Variants in YWHAG observed in about 807,000 individuals in gnomAD.
YWHAG encodes tyrosine 3-monooxygenase/tryptophan 5-monooxygenase activation protein gamma, also known as 14-3-3 protein gamma.
A neutral mutation model predicts 23.3 loss-of-function variants in YWHAG; 1 was observed. The ratio of observed to expected loss-of-function variants is 0.04; its 90% confidence interval spans 0.02 to 0.20. The LOEUF (loss-of-function observed/expected upper bound fraction) is 0.20, where lower values mean the gene tolerates loss of function less well. YWHAG is among the 10% of genes least tolerant of loss of function. The pLI is 1.00. For missense variants in YWHAG, 151 were observed against 338.6 expected (o/e 0.45, Z 4.35); for synonymous variants, 160 against 144.0 (o/e 1.11, Z -0.80).
chr7:76,334,189 T>C (rs1007948372), intron 1 of YWHAG, among the ~76,000 whole-genome samples: 1 of 152,246 alleles, frequency 6.6e-6, no homozygotes, highest in Non-Finnish European at 1.5e-5. Flanking sequence ...AAATCCTTTA[T>C]CCTTTAGATC....
intron 1 of YWHAG, among the ~76,000 whole-genome samples, chr7:76,344,621 C>T (rs1407822679): frequency 6.6e-6 from 1 of 152,198 alleles, no homozygotes; most frequent in Admixed American, 6.5e-5. Flanking sequence ...TTTGCTTCTA[C>T]AATTTCTCCT....
chr7:76,329,507 C>G lies in YWHAG; in HGVS notation c.*70G>C, dbSNP rs1803509349. On this transcript the variant is annotated 3_prime_UTR_variant, in exon 2 of 2. Transcript: ENST00000307630. The surrounding 1 kb of genome is among the most constrained non-coding windows in gnomAD (Gnocchi z 6.1). ...CTCCCTTTCCCTCCCCCACCCGACC[C>G]CCAACTCATGGGAAAAAAATAAAGA... is the stretch of plus-strand genomic sequence containing the variant. The G allele has an allele frequency of 7.1e-7, 1 of 1,411,574 alleles. No homozygotes were observed. The highest frequency in any genetic ancestry group is 2.6e-5 in the East Asian group (1 of 37,878). The allele number at this position is 1,411,574 out of a possible 1,614,324, so 87.4% of individuals were successfully genotyped here. A position where few individuals can be genotyped will look rare whatever the true frequency, so the allele number is the denominator to read the frequency against.
In YWHAG at chr7:76,358,778, C is replaced by T. The variant is rs566717170; in HGVS notation, c.31G>A (p.Ala11Thr). Residue 11 changes from alanine to threonine, a missense_variant, in exon 1 of 2, where the codon GCC becomes ACC. Coordinates refer to ENST00000307630, the MANE Select transcript of YWHAG (RefSeq NM_012479.4). ...CGCTCCGCCTGCTCGGCCAGCCGGG[C>T]TTTCTGCACCAGTTGCTCGCGGTCC... is the stretch of plus-strand genomic sequence containing the variant. MVDREQLVQK[A>T]RLAEQAERYD... 1.3e-6 allele frequency: 2 copies of T among 1,596,744 alleles called. No homozygotes were observed. The highest frequency in any genetic ancestry group is 1.7e-5 in the Admixed American group (1 of 57,756).
rs566614979 is a variant in YWHAG, at chr7:76,329,128, C to T, written c.*449G>A. ...TACACTGTTCCATGTCTGTAGGCTACACCCTGGAAAACATGCAGAGCCGAG... is the reference window on the plus strand; with the variant it reads ...TACACTGTTCCATGTCTGTAGGCTATACCCTGGAAAACATGCAGAGCCGAG... On this transcript the variant is annotated 3_prime_UTR_variant, in exon 2 of 2. Coordinates refer to ENST00000307630, the MANE Select transcript of YWHAG (RefSeq NM_012479.4). The surrounding 1 kb of genome is among the most constrained non-coding windows in gnomAD (Gnocchi z 6.1). 7.3e-4 allele frequency: 125 copies of T among 171,154 alleles called. No individual in the cohort carries two copies. Among genetic ancestry groups the T allele is most frequent in the Admixed American group, 1.3e-3 (22 of 17,468 alleles). 10.6% of individuals were successfully genotyped at this position (171,154 alleles called of 1,614,324 possible). A position where few individuals can be genotyped will look rare whatever the true frequency, so the allele number is the denominator to read the frequency against.
At chr7:76,334,743 G>A (rs1393309087) in intron 1 of YWHAG, among the ~76,000 whole-genome samples, 1 of 150,784 alleles carries the variant, frequency 6.6e-6, no homozygotes, top group Non-Finnish European at 1.5e-5. Context: ...AAAAAAGAAA[G>A]AAAGAAAGAA....
chr7:76,349,337 CAAAA>C (rs35871141), intron 1 of YWHAG, among the ~76,000 whole-genome samples: 1 of 118,920 alleles, frequency 8.4e-6, no homozygotes, highest in Non-Finnish European at 1.7e-5. Flanking sequence ...GACTCTGTCT[CAAAA>C]AAAAAAAAAA....
chr7:76,354,548 T>C (rs538815277), intron 1 of YWHAG, among the ~76,000 whole-genome samples: 1 of 151,990 alleles, frequency 6.6e-6, no homozygotes, highest in East Asian at 1.9e-4. Context: ...TACAATAAAA[T>C]AAAATAAGGT....
intron 1 of YWHAG, among the ~76,000 whole-genome samples, chr7:76,338,250 T>C (rs1453974002): frequency 6.6e-6 from 1 of 152,060 alleles, no homozygotes; most frequent in African/African-American, 2.4e-5. Context: ...AACTAACAAC[T>C]TTAGTTGGGT....
chr7:76,332,848 C>T (rs1803564949), intron 1 of YWHAG, among the ~76,000 whole-genome samples: 1 of 152,152 alleles, frequency 6.6e-6, no homozygotes, highest in South Asian at 2.1e-4. Flanking sequence ...GGATTACAGG[C>T]GTGTGCCACC....
intron 1 of YWHAG, among the ~76,000 whole-genome samples, chr7:76,350,192 G>A (rs1438876222): frequency 6.6e-6 from 1 of 152,170 alleles, no homozygotes; most frequent in Non-Finnish European, 1.5e-5. Context: ...GAAGCATAAG[G>A]GAGATGGGCC....
At chr7:76,358,228 G>A (rs1032219621) in intron 1 of YWHAG, among the ~76,000 whole-genome samples, 2 of 152,192 alleles carry the variant, frequency 1.3e-5, no homozygotes, top group Non-Finnish European at 2.9e-5. Flanking sequence ...AGACAGTGGG[G>A]AAGATTCTGG....
chr7:76,329,291 C>T lies in YWHAG; in HGVS notation c.*286G>A. The T allele has an allele frequency of 2.7e-6, 1 of 369,622 alleles. No homozygotes were observed. The allele number at this position is 369,622 out of a possible 1,614,324, so 22.9% of individuals were successfully genotyped here. ...TTCATCTGAAAACCCTATTATCTAG[C>T]AATAAGTTAAATTAGAGACAGACAG... On this transcript the variant is annotated 3_prime_UTR_variant, in exon 2 of 2. Transcript: ENST00000307630. This position sits in a 1 kb window ranked among gnomAD's most constrained non-coding sequence, Gnocchi z 6.1.
intron 1 of YWHAG, among the ~76,000 whole-genome samples, chr7:76,357,361 A>T (rs1392903430): frequency 6.6e-6 from 1 of 152,270 alleles, no homozygotes; most frequent in African/African-American, 2.4e-5. Flanking sequence ...GGTACACTCC[A>T]GCATCCACTT....
At chr7:76,357,193 G>C (rs909323887) in intron 1 of YWHAG, among the ~76,000 whole-genome samples, 2 of 152,174 alleles carry the variant, frequency 1.3e-5, no homozygotes, top group Non-Finnish European at 2.9e-5. Context: ...CCGAATTTCA[G>C]AATCAGTTCT....
At position 76,348,265 on chromosome 7, in the gene YWHAG, G is replaced by GTTTTTTTT. The variant is rs201085040; in HGVS notation, c.87+10449_87+10456dup. Reference sequence around the variant, plus strand: ...ACTTAAAACAAGAGCCTTAGACTTCGTTTTTTTTTTTTTTTTTTGGAGATA... The same window carrying GTTTTTTTT: ...ACTTAAAACAAGAGCCTTAGACTTCGTTTTTTTTTTTTTTTTTTTTTTTTTTGGAGATA... On this transcript the variant is annotated intron_variant, in intron 1 of 1. Coordinates refer to ENST00000307630, the MANE Select transcript of YWHAG (RefSeq NM_012479.4). Among the ~76,000 whole-genome samples, 3 of 127,380 alleles carry GTTTTTTTT rather than the reference G, an allele frequency of 2.4e-5. 1 individual carries two copies. Among genetic ancestry groups the GTTTTTTTT allele is most frequent in the African/African-American group, 9.1e-5 (3 of 33,114 alleles). The allele number at this position is 127,380 out of a possible 152,430, so 83.6% of individuals were successfully genotyped here.
chr7:76,355,493 G>A (rs1314775800), intron 1 of YWHAG, among the ~76,000 whole-genome samples: 1 of 152,184 alleles, frequency 6.6e-6, no homozygotes, highest in East Asian at 1.9e-4. Flanking sequence ...TGTATGATCT[G>A]TATTCTTTCC....
At chr7:76,358,238 G>C (rs562467427) in intron 1 of YWHAG, among the ~76,000 whole-genome samples, 1 of 152,312 alleles carries the variant, frequency 6.6e-6, no homozygotes, top group South Asian at 2.1e-4. Context: ...GAAGATTCTG[G>C]GGGGGCTGGG....
At chr7:76,335,180 C>G (rs1035862450) in intron 1 of YWHAG, among the ~76,000 whole-genome samples, 4 of 152,156 alleles carry the variant, frequency 2.6e-5, no homozygotes, top group Admixed American at 6.6e-5. Flanking sequence ...GCCTCAGCCT[C>G]CCGAGTACCT....
chr7:76,342,135 A>G lies in YWHAG; in HGVS notation c.88-11902T>C, dbSNP rs552725195. 7.9e-5 allele frequency among the ~76,000 whole-genome samples: 12 copies of G among 152,276 alleles called. No individual in the cohort carries two copies. The South Asian group carries it at 1.4e-3, about 18-fold the overall frequency. ...AACATCTAGTAATGTAGTGCAGGTT[A>G]TATTTCTCAATATCCTCTCCAAAAA... is the stretch of plus-strand genomic sequence containing the variant. On this transcript the variant is annotated intron_variant, in intron 1 of 1. Coordinates refer to ENST00000307630, the MANE Select transcript of YWHAG (RefSeq NM_012479.4).
Sources: allele counts gnomAD v4.1 joint callset (sites outside exome capture counted in the v4.1 genomes callset), GRCh38; gene constraint gnomAD v4.1.1; non-coding constraint Gnocchi (gnomAD v3.1); transcripts MANE v1.5; gene names NCBI Gene and HGNC (gene_info 2026-07-23, HGNC 2026-07-21).